Variants in GALNT17 observed in about 807,000 individuals in gnomAD.
GALNT17 encodes the protein polypeptide N-acetylgalactosaminyltransferase 17, also known as UDP-GalNAc:polypeptide N-acetylgalactosaminyltransferase-like 3.
GALNT17 carries 29 observed loss-of-function variants against 63.7 expected under a neutral mutation model. The ratio of observed to expected loss-of-function variants is 0.46; its 90% CI spans 0.34 to 0.62. The LOEUF (loss-of-function observed/expected upper bound fraction) is 0.62, where lower values mean the gene tolerates loss of function less well. Among genes scored for constraint, GALNT17 ranks in the 20% least tolerant of loss-of-function variants. The pLI is 0.01. For missense variants in GALNT17, 603 were observed against 799.6 expected (o/e 0.75, Z 2.97); for synonymous variants, 305 against 318.3 (o/e 0.96, Z 0.45).
intron 2 of GALNT17, among the ~76,000 whole-genome samples, chr7:71,365,330 C>A (rs1792483933): frequency 6.6e-6 from 1 of 152,218 alleles, no homozygotes; most frequent in African/African-American, 2.4e-5. Context: ...ACCTCTGCCT[C>A]CCAGGCTCAA....
chr7:71,451,281 A>G (rs982164202), intron 5 of GALNT17, among the ~76,000 whole-genome samples: 1 of 152,136 alleles, frequency 6.6e-6, no homozygotes, highest in East Asian at 1.9e-4. Context: ...TCTGGGTCTA[A>G]TGTCTTTCTG....
chr7:71,208,199 A>G (rs1789309695), intron 1 of GALNT17, among the ~76,000 whole-genome samples: 1 of 152,004 alleles, frequency 6.6e-6, no homozygotes, highest in Non-Finnish European at 1.5e-5. Context: ...GGCCTTCCAA[A>G]TTGCTGGGAT....
intron 5 of GALNT17, among the ~76,000 whole-genome samples, chr7:71,493,726 G>T (rs987129807): frequency 6.6e-6 from 1 of 152,152 alleles, no homozygotes; most frequent in Non-Finnish European, 1.5e-5. Flanking sequence ...GGGTAGAAAT[G>T]CAGCCAGACC....
At chr7:71,386,248 T>C (rs1269714356) in intron 2 of GALNT17, among the ~76,000 whole-genome samples, 2 of 152,236 alleles carry the variant, frequency 1.3e-5, no homozygotes, top group Non-Finnish European at 2.9e-5. Context: ...GAAAATTGCC[T>C]ACATGATTAA....
At chr7:71,455,507 T>G (rs76554254) in intron 5 of GALNT17, among the ~76,000 whole-genome samples, 11 of 15,432 alleles carry the variant, frequency 7.1e-4, no homozygotes, top group East Asian at 2.5e-3. Context: ...TTTGTTTTTG[T>G]TTTTTTTTTT....
chr7:71,563,690 C>T (rs1428385572), intron 5 of GALNT17, among the ~76,000 whole-genome samples: 1 of 152,020 alleles, frequency 6.6e-6, no homozygotes, highest in Non-Finnish European at 1.5e-5. Context: ...ATGATCCTCC[C>T]AACTTAGGCT....
At chr7:71,483,966 C>T (rs998732328) in intron 5 of GALNT17, among the ~76,000 whole-genome samples, 6 of 152,136 alleles carry the variant, frequency 3.9e-5, no homozygotes, top group Non-Finnish European at 7.3e-5. Flanking sequence ...CCATCTTCCA[C>T]CTTCTTGTCT....
At chr7:71,336,936 A>C (rs1791919237) in intron 2 of GALNT17, among the ~76,000 whole-genome samples, 1 of 152,186 alleles carries the variant, frequency 6.6e-6, no homozygotes, top group Non-Finnish European at 1.5e-5. Context: ...TGGCGGAACT[A>C]ATTTACATTC....
intron 5 of GALNT17, among the ~76,000 whole-genome samples, chr7:71,555,625 A>C (rs1230533584): frequency 6.6e-6 from 1 of 152,056 alleles, no homozygotes; most frequent in Admixed American, 6.5e-5. Context: ...GAACTATCCC[A>C]TATGTCAGTG....
At chr7:71,170,176 T>TCA (rs1788521060) in intron 1 of GALNT17, among the ~76,000 whole-genome samples, 1 of 152,172 alleles carries the variant, frequency 6.6e-6, no homozygotes, top group Non-Finnish European at 1.5e-5. Flanking sequence ...CTTGCCTTGA[T>TCA]AGTGAATGTT....
intron 6 of GALNT17, among the ~76,000 whole-genome samples, chr7:71,644,806 TAGC>T (rs1394898970): frequency 6.6e-6 from 1 of 151,992 alleles, no homozygotes; most frequent in East Asian, 1.9e-4. Flanking sequence ...CAAGTCAAAA[TAGC>T]AGATGAAGAG....
rs192575249 is a variant in GALNT17, at chr7:71,272,784, G to A, written c.239-62766G>A. On this transcript the variant is annotated intron_variant, in intron 1 of 10. Coordinates refer to ENST00000333538, the MANE Select transcript of GALNT17 (RefSeq NM_022479.3). The stretch of plus-strand genomic sequence containing the variant: ...GCAGACAGTGACCAATATGACATGA[G>A]GAGGCCTGAGATGATATTTCTTCTC... Among the ~76,000 whole-genome samples the A allele has an allele frequency of 4.6e-5, 7 of 152,256 alleles. No homozygotes were observed. The East Asian group carries it at 1.4e-3, about 29-fold the overall frequency.
chr7:71,245,450 A>G (rs1224542911), intron 1 of GALNT17, among the ~76,000 whole-genome samples: 1 of 152,184 alleles, frequency 6.6e-6, no homozygotes, highest in African/African-American at 2.4e-5. Context: ...TTCCAGGCAC[A>G]TTTGTTGTCC....
intron 5 of GALNT17, among the ~76,000 whole-genome samples, chr7:71,465,289 A>G (rs1224653049): frequency 6.6e-6 from 1 of 152,156 alleles, no homozygotes; most frequent in East Asian, 1.9e-4. Flanking sequence ...GTTAAATATA[A>G]ACTAAATTCC....
intron 1 of GALNT17, among the ~76,000 whole-genome samples, chr7:71,144,413 A>T (rs1001601012): frequency 5.3e-5 from 8 of 152,140 alleles, no homozygotes; most frequent in Non-Finnish European, 1.5e-5. Context: ...GATAATCATC[A>T]TTATTATTGG....
At chr7:71,492,218 G>A (rs1788022997) in intron 5 of GALNT17, among the ~76,000 whole-genome samples, 1 of 152,204 alleles carries the variant, frequency 6.6e-6, no homozygotes, top group South Asian at 2.1e-4. Flanking sequence ...GTCGGAGGTT[G>A]CAGTGAGCCG....
intron 4 of GALNT17, among the ~76,000 whole-genome samples, chr7:71,420,254 T>TGG (rs554733126): frequency 6.6e-4 from 100 of 152,310 alleles, no homozygotes; most frequent in Admixed American, 1.5e-3. Flanking sequence ...AGCCTCGAGC[T>TGG]GGGGAAGTGA....
At chr7:71,675,147 G>A (rs1369752256) in intron 8 of GALNT17, among the ~76,000 whole-genome samples, 1 of 152,094 alleles carries the variant, frequency 6.6e-6, no homozygotes, top group African/African-American at 2.4e-5. Flanking sequence ...TTGCGCCACT[G>A]CATTCCAGCC....
intron 5 of GALNT17, among the ~76,000 whole-genome samples, chr7:71,567,889 C>G (rs1789375492): frequency 6.6e-6 from 1 of 152,196 alleles, no homozygotes; most frequent in Non-Finnish European, 1.5e-5. Context: ...AATGAAGAGG[C>G]TCATCCACTG....
Sources: gnomAD v4.1 joint callset for allele counts (sites outside exome capture counted in the v4.1 genomes callset) on GRCh38, gnomAD v4.1.1 for gene constraint, MANE v1.5 for transcripts, NCBI Gene and HGNC (gene_info 2026-07-23, HGNC 2026-07-21) for gene names.